Variants in CR2 observed in about 807,000 individuals in gnomAD.
The protein encoded by CR2 is complement receptor type 2.
CR2 carries 96 observed loss-of-function variants against 123.0 expected under a neutral mutation model. The ratio of observed to expected loss-of-function variants is 0.78; its 90% confidence interval spans 0.66 to 0.93. CR2 has a LOEUF of 0.93. CR2 is among the 40% of genes least tolerant of loss of function. The pLI, the probability that CR2 is intolerant of heterozygous loss-of-function variation, is 0.00. For missense variants in CR2, 1,258 were observed against 1,361.0 expected (o/e 0.92, Z 1.19); for synonymous variants, 484 against 469.5 (o/e 1.03, Z -0.40).
At chr1:207,485,706 C>A in intron 19 of CR2, 134 bp downstream of exon 19, 1 of 647,550 alleles carries the variant, frequency 1.5e-6, no homozygotes, top group South Asian at 1.8e-5. Context: ...TCATGCATAG[C>A]AATTGTTCAT....
rs1657771278 is a variant in CR2 at position 207,454,334 on chromosome 1, T to C, written c.-85T>C. ...CCCGCCTCTCCTGGCTCACAGCTGC[T>C]TGCTGCTCCAGCCTTGCCCTCCCAG... is the stretch of plus-strand genomic sequence containing the variant. On this transcript the variant is annotated 5_prime_UTR_variant, in exon 1 of 20. Transcript: ENST00000367057. This position sits in a 1 kb window ranked among gnomAD's most constrained non-coding sequence, Gnocchi z 4.3. 2.5e-6 allele frequency: 3 copies of C among 1,208,152 alleles called. No homozygotes were observed. The highest frequency in any genetic ancestry group is 3.5e-6 in the Non-Finnish European group (3 of 847,208). 74.8% of individuals were successfully genotyped at this position (1,208,152 alleles called of 1,614,324 possible). A position where few individuals can be genotyped will look rare whatever the true frequency, so the allele number is the denominator to read the frequency against.
At chr1:207,481,904 T>C (rs564178179) in intron 18 of CR2, among the ~76,000 whole-genome samples, 26 of 152,134 alleles carry the variant, frequency 1.7e-4, no homozygotes, top group African/African-American at 5.8e-4. Context: ...AGTAGAAAAC[T>C]ATATTTTCTA....
intron 5 of CR2, among the ~76,000 whole-genome samples, chr1:207,469,455 C>T (rs1471112120): frequency 6.6e-6 from 1 of 152,040 alleles, no homozygotes; most frequent in East Asian, 1.9e-4. Flanking sequence ...AGTAGGTAGA[C>T]CATATGCATA....
At position 207,469,746 on chromosome 1, in the gene CR2, A is replaced by C. The variant is rs1035840751; in HGVS notation, c.869A>C (p.Asn290Thr). 2.5e-6 allele frequency: 4 copies of C among 1,613,638 alleles called. No homozygotes were observed. The highest frequency in any genetic ancestry group is 3.4e-6 in the Non-Finnish European group (4 of 1,179,854). ...PPILNGRHIG[N>T]SLANVSYGSI... ...ATTCTCAATGGAAGACATATAGGCA[A>C]CTCACTAGCAAATGTCTCATATGGA... The change falls in exon 6 of 20, where the codon AAC (asparagine) becomes ACC (threonine). Residue 290 changes from asparagine to threonine, a missense_variant. By Grantham distance (65) the Asn-to-Thr change is moderately conservative. Transcript: ENST00000367057.
chr1:207,469,798 G>T lies in CR2; in HGVS notation c.921G>T (p.Pro307=). ...YGSIVTYTCD[P]DPEEGVNFIL... is the part of the protein sequence containing the mutation. ...GCATAGTCACTTACACTTGTGACCC[G>T]GACCCAGAGGAAGGAGTGAACTTCA... is the stretch of plus-strand genomic sequence containing the variant. The change falls in exon 6 of 20, where the codon CCG becomes CCT. Residue 307 remains proline, a synonymous_variant. Coordinates refer to ENST00000367057, the MANE Select transcript of CR2 (RefSeq NM_001006658.3). 1 of 1,613,862 alleles carries T rather than the reference G, an allele frequency of 6.2e-7. No homozygotes were observed. Among genetic ancestry groups the T allele is most frequent in the Non-Finnish European group, 8.5e-7 (1 of 1,179,920 alleles).
intron 9 of CR2, 83 bp downstream of exon 9, chr1:207,471,582 T>C (rs1346369570): frequency 8.4e-6 from 8 of 956,478 alleles, no homozygotes; most frequent in African/African-American, 1.6e-5. Context: ...GGACATGTTA[T>C]GAGAATTAGA....
Position 207,470,979 on chromosome 1 carries a change from C to G in CR2, c.1403-18C>G. 1 of 1,613,810 alleles carries G rather than the reference C, an allele frequency of 6.2e-7. No homozygotes were observed. Among genetic ancestry groups the G allele is most frequent in the East Asian group, 2.2e-5 (1 of 44,880 alleles). On this transcript the variant is annotated intron_variant, in intron 7 of 19. Coordinates refer to ENST00000367057, the MANE Select transcript of CR2 (RefSeq NM_001006658.3). ...AGATTGCCTTGAATTAAATTCTCAT[C>G]CTAGTCTCTTTTCTTAGTGGCAGCG... is the stretch of plus-strand genomic sequence containing the variant.
rs926082701 is a variant in CR2 at position 207,454,424 on chromosome 1, C to T, written c.6C>T (p.Gly2=). The change falls in exon 1 of 20, where the codon GGC becomes GGT. Residue 2 remains glycine (G), a synonymous_variant. Transcript: ENST00000367057. The surrounding 1 kb of genome is among the most constrained non-coding windows in gnomAD (Gnocchi z 4.3). The stretch of plus-strand genomic sequence containing the variant: ...GCGGGGGCTTCGGCCGTGGCATGGG[C>T]GCCGCGGGCCTGCTCGGGGTTTTCT... M[G]AAGLLGVFLA... The T allele has an allele frequency of 2.5e-6, 4 of 1,582,576 alleles. No homozygotes were observed. The Admixed American group carries it at 6.9e-5, about 27-fold the overall frequency.
chr1:207,471,290 G>A, intron 8 of CR2, 133 bp from the exon 9 acceptor site: 2 of 899,068 alleles, frequency 2.2e-6, no homozygotes, highest in South Asian at 1.3e-5. Flanking sequence ...TGAGAAGTTG[G>A]TGCTGATGTT....
At chr1:207,479,142 C>A in intron 16 of CR2, 115 bp from the exon 17 acceptor site, 1 of 843,514 alleles carries the variant, frequency 1.2e-6, no homozygotes, top group East Asian at 2.5e-5. Context: ...TCTTTTAAAT[C>A]GACTTGGAAG....
intron 10 of CR2, 51 bp from the exon 11 acceptor site, chr1:207,473,494 G>A (rs753475926): frequency 1.3e-6 from 2 of 1,550,704 alleles, no homozygotes; most frequent in African/African-American, 2.7e-5. Flanking sequence ...TAGTGTTCTT[G>A]AGTAGAAATT....
intron 1 of CR2, among the ~76,000 whole-genome samples, chr1:207,455,292 A>G (rs1388569727): frequency 6.6e-6 from 1 of 152,202 alleles, no homozygotes; most frequent in Non-Finnish European, 1.5e-5. Flanking sequence ...GCAGACCTCA[A>G]TAACTGGGTG....
At position 207,478,010 on chromosome 1, in the gene CR2, C is replaced by A. The variant is rs752810215; in HGVS notation, c.3028C>A (p.Pro1010Thr). The change falls in exon 16 of 20, where the codon CCC becomes ACC. Residue 1010 changes from proline to threonine, a missense_variant. By Grantham distance (38) the Pro-to-Thr change is conservative. Coordinates refer to ENST00000367057, the MANE Select transcript of CR2 (RefSeq NM_001006658.3). ...CEDGYMLEGSPQSQCQSDHQW... is the reference protein window; with the variant it reads ...CEDGYMLEGSTQSQCQSDHQW... ...AGATGGGTATATGCTGGAAGGCAGT[C>A]CCCAGAGCCAGTGCCAATCGGATCA... 10 of 1,613,928 alleles carry A rather than the reference C, an allele frequency of 6.2e-6. No homozygotes were observed. In the South Asian group the frequency reaches 1.1e-4, roughly 18 times the overall value.
Position 207,470,901 on chromosome 1 carries a change from G to A in CR2, c.1387G>A (p.Val463Ile). 6.2e-7 allele frequency: 1 copy of A among 1,613,758 alleles called. No homozygotes were observed. Among genetic ancestry groups the A allele is most frequent in the South Asian group, 1.1e-5 (1 of 91,078 alleles). Residue 463 changes from valine to isoleucine, a missense_variant, in exon 7 of 20, where the codon GTA becomes ATA. Physicochemically the swap from Val to Ile is conservative, Grantham distance 29. Transcript: ENST00000367057. The stretch of plus-strand genomic sequence containing the variant: ...CTCTGAGGGGGTGTGGACACCCCCT[G>A]TACCCCAATGCAAAGGTGCCAGGCC... ...CTSEGVWTPPVPQCKVAACEA... is the reference protein window; with the variant it reads ...CTSEGVWTPPIPQCKVAACEA...
At chr1:207,489,006 A>G (rs1164177300) in intron 19 of CR2, 136 bp from the exon 20 acceptor site, 1 of 152,246 alleles carries the variant, frequency 6.6e-6, no homozygotes, top group African/African-American at 2.4e-5. Context: ...ATAGAATGAT[A>G]TCTTCTAATA....
At chr1:207,485,653 G>A (rs1658729580) in intron 19 of CR2, 81 bp downstream of exon 19, 11 of 800,684 alleles carry the variant, frequency 1.4e-5, no homozygotes, top group Middle Eastern at 2.5e-4. Context: ...TAGCATTCAC[G>A]GTGTATATAC....
chr1:207,457,460 T>C (rs1337453321), intron 1 of CR2, among the ~76,000 whole-genome samples: 1 of 152,192 alleles, frequency 6.6e-6, no homozygotes, highest in Non-Finnish European at 1.5e-5. Flanking sequence ...ATGGACCTTC[T>C]CATGACCCAC....
At chr1:207,478,525 C>CAAAAAA (rs36116544) in intron 16 of CR2, among the ~76,000 whole-genome samples, 89 of 58,656 alleles carry the variant, frequency 1.5e-3, no homozygotes, top group Non-Finnish European at 1.9e-3. Flanking sequence ...AAGACCCTAT[C>CAAAAAA]AAAAAAAAAA....
At chr1:207,473,260 T>C in intron 10 of CR2, 81 bp downstream of exon 10, 1 of 1,520,204 alleles carries the variant, frequency 6.6e-7, no homozygotes, top group Non-Finnish European at 9.0e-7. Flanking sequence ...AACTGCATCA[T>C]GGAAAGAGGC....
Sources: gnomAD v4.1 joint callset for allele counts (sites outside exome capture counted in the v4.1 genomes callset) on GRCh38, gnomAD v4.1.1 for gene constraint, Gnocchi (gnomAD v3.1) non-coding constraint, MANE v1.5 for transcripts, NCBI Gene and HGNC (gene_info 2026-07-23, HGNC 2026-07-21) for gene names.